PTPRD: variants seen among roughly 807,000 people sequenced by gnomAD.
PTPRD encodes receptor-type tyrosine-protein phosphatase delta.
Under a neutral mutation model 214.5 loss-of-function variants are expected in PTPRD, and 34 were observed. The observed-to-expected ratio is 0.16, with a 90% confidence interval of 0.12 to 0.21. The LOEUF (loss-of-function observed/expected upper bound fraction) is 0.21. Ranked by LOEUF, PTPRD falls within the 10% of genes least tolerant of loss-of-function variation. PTPRD has a pLI of 1.00. For missense variants in PTPRD, 2,545 were observed against 2,398.7 expected (o/e 1.06, Z -1.27); for synonymous variants, 1,128 against 845.7 (o/e 1.33, Z -5.79).
intron 14 of PTPRD, among the ~76,000 whole-genome samples, chr9:8,591,209 T>C (rs1462690846): frequency 2.0e-5 from 3 of 152,216 alleles, no homozygotes; most frequent in African/African-American, 7.2e-5. Flanking sequence ...ATCAACTGCA[T>C]CTGCAACCTT....
intron 11 of PTPRD, among the ~76,000 whole-genome samples, chr9:8,983,522 C>G (rs569591658): frequency 1.3e-5 from 2 of 151,830 alleles, no homozygotes; most frequent in South Asian, 2.1e-4. Context: ...CCCCTCCCCC[C>G]GCTTTTGTTT....
intron 36 of PTPRD, among the ~76,000 whole-genome samples, chr9:8,393,935 G>A (rs1320874523): frequency 6.6e-6 from 1 of 151,982 alleles, no homozygotes; most frequent in Non-Finnish European, 1.5e-5. Flanking sequence ...ACTAAACCTG[G>A]CTGTTAATGC....
intron 44 of PTPRD, among the ~76,000 whole-genome samples, chr9:8,325,583 A>T (rs1044860778): frequency 1.3e-5 from 2 of 149,314 alleles, no homozygotes; most frequent in Admixed American, 1.4e-4. Context: ...TTTTGGTTCC[A>T]TGTCAAATTT....
intron 11 of PTPRD, among the ~76,000 whole-genome samples, chr9:8,975,024 G>A (rs2099260466): frequency 6.7e-6 from 1 of 150,312 alleles, no homozygotes; most frequent in Non-Finnish European, 1.5e-5. Flanking sequence ...TTGAACCTGG[G>A]AAGTGGAGAT....
At chr9:8,732,495 A>G (rs1379017876) in intron 12 of PTPRD, among the ~76,000 whole-genome samples, 2 of 152,198 alleles carry the variant, frequency 1.3e-5, no homozygotes, top group East Asian at 3.8e-4. Context: ...ATAAGCTTTG[A>G]CATAAATGGC....
intron 2 of PTPRD, among the ~76,000 whole-genome samples, chr9:10,569,896 G>A (rs373239757): frequency 6.6e-6 from 1 of 152,020 alleles, no homozygotes; most frequent in Admixed American, 6.6e-5. Flanking sequence ...AAGTGACACA[G>A]TAGTTCTAGT....
chr9:10,111,321 C>A (rs2098690130), intron 3 of PTPRD, among the ~76,000 whole-genome samples: 1 of 137,612 alleles, frequency 7.3e-6, no homozygotes. Flanking sequence ...TCACTGCAAG[C>A]TCCGCCTCCT....
intron 9 of PTPRD, among the ~76,000 whole-genome samples, chr9:9,348,141 G>C (rs146917939): frequency 6.6e-6 from 1 of 152,232 alleles, no homozygotes; most frequent in African/African-American, 2.4e-5. Flanking sequence ...AAGAAAAATA[G>C]CATATTTGAA....
chr9:10,168,620 G>C (rs1228649025), intron 3 of PTPRD, among the ~76,000 whole-genome samples: 1 of 152,084 alleles, frequency 6.6e-6, no homozygotes, highest in Admixed American at 6.5e-5. Flanking sequence ...AAAAAAGAAA[G>C]AAAATGTTTT....
chr9:8,721,199 CA>C (rs1224876893), intron 12 of PTPRD, among the ~76,000 whole-genome samples: 1 of 151,790 alleles, frequency 6.6e-6, no homozygotes, highest in Admixed American at 6.6e-5. Context: ...GAAGCCGAGG[CA>C]GGGGGATCAT....
intron 8 of PTPRD, among the ~76,000 whole-genome samples, chr9:9,457,169 C>A (rs997924869): frequency 5.9e-5 from 9 of 151,886 alleles, no homozygotes; most frequent in Admixed American, 5.3e-4. Context: ...GGAAACAGTA[C>A]AATTGGTACT....
intron 11 of PTPRD, among the ~76,000 whole-genome samples, chr9:8,973,493 C>A (rs181016122): frequency 2.6e-5 from 4 of 152,116 alleles, no homozygotes; most frequent in Admixed American, 2.6e-4. Context: ...GATTCCATGT[C>A]TTTGCCATTA....
intron 12 of PTPRD, among the ~76,000 whole-genome samples, chr9:8,683,869 G>C (rs957852742): frequency 6.6e-6 from 1 of 152,188 alleles, no homozygotes; most frequent in African/African-American, 2.4e-5. Context: ...AGACGTAAGG[G>C]TTCCAACTAC....
chr9:8,851,196 T>C (rs1018588128), intron 11 of PTPRD, among the ~76,000 whole-genome samples: 8 of 116,356 alleles, frequency 6.9e-5, no homozygotes, highest in Non-Finnish European at 1.2e-4. Context: ...TGCACTACCA[T>C]TAAAGAAAAA....
intron 3 of PTPRD, among the ~76,000 whole-genome samples, chr9:10,251,814 C>T (rs973073342): frequency 6.6e-5 from 10 of 151,970 alleles, no homozygotes; most frequent in Non-Finnish European, 1.3e-4. Context: ...AAAAGTTGAA[C>T]TCATAGAAAT....
At chr9:9,839,607 C>T (rs1243421267) in intron 5 of PTPRD, among the ~76,000 whole-genome samples, 11 of 151,988 alleles carry the variant, frequency 7.2e-5, no homozygotes, top group African/African-American at 1.7e-4. Flanking sequence ...GAATCAATAT[C>T]GTGAAAATGG....
intron 39 of PTPRD, among the ~76,000 whole-genome samples, chr9:8,360,916 A>G (rs1380181498): frequency 6.6e-6 from 1 of 152,204 alleles, no homozygotes; most frequent in Non-Finnish European, 1.5e-5. Context: ...TTATTTGACT[A>G]CAGAAATTCA....
intron 12 of PTPRD, among the ~76,000 whole-genome samples, chr9:8,689,353 AT>A (rs1461183636): frequency 6.6e-6 from 1 of 152,214 alleles, no homozygotes; most frequent in Non-Finnish European, 1.5e-5. Context: ...TACTGGGTTA[AT>A]CTGTGGCACC....
Position 9,979,583 on chromosome 9 carries a change from A to C in PTPRD, c.-471-40973T>G, listed in dbSNP as rs1453822712. Among the ~76,000 whole-genome samples, 4 of 152,176 alleles carry C rather than the reference A, an allele frequency of 2.6e-5. No homozygotes were observed. The East Asian group carries it at 7.7e-4, about 29-fold the overall frequency. ...AGATGGAATTGTAACATATAAGTAGAACAATGATCTCAATTGGAAGATTCA... is the reference window on the plus strand; with the variant it reads ...AGATGGAATTGTAACATATAAGTAGCACAATGATCTCAATTGGAAGATTCA... On this transcript the variant is annotated intron_variant, in intron 4 of 45. Transcript: ENST00000381196.
Sources: gnomAD v4.1 joint callset for allele counts (sites outside exome capture counted in the v4.1 genomes callset) on GRCh38, gnomAD v4.1.1 for gene constraint, MANE v1.5 for transcripts, NCBI Gene and HGNC (gene_info 2026-07-23, HGNC 2026-07-21) for gene names.